SHISA6: variants seen among roughly 807,000 people sequenced by gnomAD.
SHISA6 encodes shisa family member 6.
SHISA6 carries 22 observed loss-of-function variants against 47.9 expected under a neutral mutation model. The ratio of observed to expected loss-of-function variants is 0.46; its 90% CI spans 0.33 to 0.66. SHISA6 has a LOEUF of 0.66. SHISA6 is among the 30% of genes least tolerant of loss of function. SHISA6 has a pLI of 0.02. For synonymous variants in SHISA6, 388 were observed against 337.8 expected (o/e 1.15, Z -1.63); for missense variants, 680 against 764.6 (o/e 0.89, Z 1.30).
chr17:11,330,545 A>G (rs985835776), intron 2 of SHISA6, among the ~76,000 whole-genome samples: 3 of 151,926 alleles, frequency 2.0e-5, no homozygotes, highest in African/African-American at 7.3e-5. Flanking sequence ...CAGGGAAAAG[A>G]CTAAAATTAA....
At chr17:11,258,939 G>T (rs1019780297) in intron 1 of SHISA6, among the ~76,000 whole-genome samples, 1 of 152,210 alleles carries the variant, frequency 6.6e-6, no homozygotes, top group Non-Finnish European at 1.5e-5. Context: ...GTGGATGGAT[G>T]GATGGAGTGT....
chr17:11,258,697 TG>T (rs1908109541), intron 1 of SHISA6, among the ~76,000 whole-genome samples: 2 of 152,174 alleles, frequency 1.3e-5, no homozygotes, highest in Non-Finnish European at 2.9e-5. Context: ...AGTATATTGG[TG>T]TTCTAGTCAG....
At chr17:11,387,814 G>A (rs369611415) in intron 3 of SHISA6, among the ~76,000 whole-genome samples, 2 of 152,124 alleles carry the variant, frequency 1.3e-5, no homozygotes, top group African/African-American at 4.8e-5. Flanking sequence ...GGTTTTATGT[G>A]GACTGTGGAC....
At chr17:11,502,400 C>T (rs2142348063) in intron 3 of SHISA6, among the ~76,000 whole-genome samples, 1 of 121,640 alleles carries the variant, frequency 8.2e-6, no homozygotes, top group Non-Finnish European at 1.6e-5. Context: ...CAGAGCGAGA[C>T]TCCGTCTCAA....
At chr17:11,416,384 G>A (rs1914282586) in intron 3 of SHISA6, among the ~76,000 whole-genome samples, 2 of 152,170 alleles carry the variant, frequency 1.3e-5, no homozygotes, top group South Asian at 4.1e-4. Context: ...TATTTTCATT[G>A]TTGGCCATAC....
intron 3 of SHISA6, among the ~76,000 whole-genome samples, chr17:11,394,723 TA>T (rs1913506079): frequency 6.6e-6 from 1 of 151,010 alleles, no homozygotes; most frequent in African/African-American, 2.4e-5. Flanking sequence ...CAGACATATA[TA>T]AAAGAATAAC....
chr17:11,447,738 C>T (rs1915273222), intron 3 of SHISA6, among the ~76,000 whole-genome samples: 1 of 152,222 alleles, frequency 6.6e-6, no homozygotes, highest in African/African-American at 2.4e-5. Flanking sequence ...TAAGCTTTGT[C>T]ATCATCTCCT....
intron 3 of SHISA6, among the ~76,000 whole-genome samples, chr17:11,520,300 T>C (rs1406532476): frequency 6.6e-6 from 1 of 152,222 alleles, no homozygotes; most frequent in Non-Finnish European, 1.5e-5. Context: ...CAGCAAAGGA[T>C]GAATTGTTTG....
intron 3 of SHISA6, among the ~76,000 whole-genome samples, chr17:11,404,485 G>A (rs1913882105): frequency 6.6e-6 from 1 of 152,156 alleles, no homozygotes; most frequent in Non-Finnish European, 1.5e-5. Context: ...GTGGGTTGTG[G>A]CTGACTCACA....
chr17:11,302,848 G>A (rs970150329), intron 2 of SHISA6, among the ~76,000 whole-genome samples: 2 of 151,896 alleles, frequency 1.3e-5, no homozygotes, highest in Non-Finnish European at 2.9e-5. Context: ...GGGGGAAAAA[G>A]CAGAGAGTCA....
chr17:11,552,522 A>C (rs2071940270), intron 4 of SHISA6, among the ~76,000 whole-genome samples: 1 of 152,236 alleles, frequency 6.6e-6, no homozygotes, highest in South Asian at 2.1e-4. Context: ...AGCTGAACAG[A>C]GAAAATCTAT....
chr17:11,241,319 T>C lies in SHISA6; in HGVS notation c.-104T>C. ...CCATCGCCCCGGAGCCGCTGACCGC[T>C]CAGCGCCTCCAGCCCGGCCCGCGCG... On this transcript the variant is annotated 5_prime_UTR_variant, in exon 1 of 6. Transcript: ENST00000441885. The surrounding 1 kb of genome is among the most constrained non-coding windows in gnomAD (Gnocchi z 5.5). 1.4e-6 allele frequency: 1 copy of C among 712,804 alleles called. No individual in the cohort carries two copies. Among genetic ancestry groups the C allele is most frequent in the African/African-American group, 2.0e-5 (1 of 51,236 alleles). 44.2% of individuals were successfully genotyped at this position (712,804 alleles called of 1,614,324 possible). A position where few individuals can be genotyped will look rare whatever the true frequency, so the allele number is the denominator to read the frequency against.
At chr17:11,318,730 TTCTTCACATTTGA>T (rs1910605902) in intron 2 of SHISA6, among the ~76,000 whole-genome samples, 1 of 152,234 alleles carries the variant, frequency 6.6e-6, no homozygotes, top group Non-Finnish European at 1.5e-5. Context: ...TCTACCATCG[TTCTTCACATTTGA>T]TAAACGTTTA....
intron 3 of SHISA6, among the ~76,000 whole-genome samples, chr17:11,507,617 A>C (rs530080763): frequency 6.6e-6 from 1 of 152,210 alleles, no homozygotes; most frequent in South Asian, 2.1e-4. Flanking sequence ...ATGCTTTCCT[A>C]CAGTCCAGAA....
intron 3 of SHISA6, among the ~76,000 whole-genome samples, chr17:11,463,955 C>T (rs144450030): frequency 3.1e-3 from 479 of 152,242 alleles, no homozygotes; most frequent in African/African-American, 0.011. Context: ...CTTGTTCTGT[C>T]ACCCAGGCTG....
rs115861994 is a variant in SHISA6, at chr17:11,298,005, C to T, written c.799+34479C>T. Among the ~76,000 whole-genome samples, 322 of 152,196 alleles carry T rather than the reference C, an allele frequency of 2.1e-3. 1 individual carries two copies. The highest frequency in any genetic ancestry group is 7.2e-3 in the African/African-American group (298 of 41,524). On this transcript the variant is annotated intron_variant, in intron 2 of 5. Transcript: ENST00000441885. ...GTTATTAGAGGTTGAGGATGGAAAG[C>T]CAAAGAGTTGAAAAGATCATCATAA...
At chr17:11,403,719 G>A (rs929685877) in intron 3 of SHISA6, among the ~76,000 whole-genome samples, 2 of 152,168 alleles carry the variant, frequency 1.3e-5, no homozygotes, top group African/African-American at 2.4e-5. Context: ...GTGGCTTTTC[G>A]TGGTTGACTA....
chr17:11,459,058 AAT>A (rs1333865994), intron 3 of SHISA6, among the ~76,000 whole-genome samples: 2 of 151,634 alleles, frequency 1.3e-5, no homozygotes, highest in Admixed American at 6.6e-5. Flanking sequence ...AAAAAAAAAA[AAT>A]GCAAAAAAAT....
intron 3 of SHISA6, among the ~76,000 whole-genome samples, chr17:11,381,382 A>G (rs188442702): frequency 2.6e-5 from 4 of 152,374 alleles, no homozygotes; most frequent in African/African-American, 9.6e-5. Flanking sequence ...TATGGAGTTT[A>G]TGGAGTTCCT....
Sources: allele counts gnomAD v4.1 joint callset (sites outside exome capture counted in the v4.1 genomes callset), GRCh38; gene constraint gnomAD v4.1.1; non-coding constraint Gnocchi (gnomAD v3.1); transcripts MANE v1.5; gene names NCBI Gene and HGNC (gene_info 2026-07-23, HGNC 2026-07-21).